The following CNTNAP3 variants were observed in gnomAD, a reference collection of about 807,000 sequenced individuals.
The protein encoded by CNTNAP3 is contactin associated protein family member 3.
CNTNAP3 carries 36 observed loss-of-function variants against 92.1 expected under a neutral mutation model. That is an observed-to-expected ratio of 0.39 (90% CI 0.30 to 0.52). The LOEUF is 0.52. CNTNAP3 is among the 20% of genes least tolerant of loss of function. The pLI is 0.76. For missense variants in CNTNAP3, 534 were observed against 1,069.6 expected, an observed-to-expected ratio of 0.50 and a Z score of 6.98; for synonymous variants, 232 against 422.3, an observed-to-expected ratio of 0.55 and a Z score of 5.53.
Position 39,118,213 on chromosome 9 carries a change from G to A in CNTNAP3, c.2127C>T (p.His709=), listed in dbSNP as rs1006132200. The part of the protein sequence containing the change: ...SWWVGRTNET[H]TSWGGSLPDA... ...CAGGCAGAGAACCTCCCCAGGAAGT[G>A]TGTGTTTCATTGGTTCTTCCAACCC... The change falls in exon 14 of 24, where the codon CAC becomes CAT. Residue 709 remains histidine (H), a synonymous_variant. Transcript: ENST00000297668. 6.2e-7 allele frequency: 1 copy of A among 1,609,388 alleles called. No homozygotes were observed. The highest frequency in any genetic ancestry group is 1.3e-5 in the African/African-American group (1 of 74,542).
intron 21 of CNTNAP3, among the ~76,000 whole-genome samples, chr9:39,083,575 T>C (rs1825996676): frequency 6.6e-6 from 1 of 151,322 alleles, no homozygotes; most frequent in Non-Finnish European, 1.5e-5. Context: ...AGGAGAATCG[T>C]GTGAACCTGG....
chr9:39,071,588 G>C lies in CNTNAP3; in HGVS notation c.*2302C>G, dbSNP rs1437701770. 1.3e-5 allele frequency among the ~76,000 whole-genome samples: 2 copies of C among 151,982 alleles called. No individual in the cohort carries two copies. Among genetic ancestry groups the C allele is most frequent in the African/African-American group, 4.8e-5 (2 of 41,402 alleles). ...ATGCTTTTACTTTTATGTTACAAAA[G>C]GGTGTTACTTGCAACTAGCATCTAT... On this transcript the variant is annotated 3_prime_UTR_variant, in exon 24 of 24. Coordinates refer to ENST00000297668, the MANE Select transcript of CNTNAP3 (RefSeq NM_033655.5).
At chr9:39,097,742 G>A (rs1197256691) in intron 18 of CNTNAP3, among the ~76,000 whole-genome samples, 1 of 144,520 alleles carries the variant, frequency 6.9e-6, no homozygotes, top group East Asian at 2.2e-4. Context: ...GTCATACTGA[G>A]CTAGGGATGG....
In CNTNAP3 at chr9:39,067,386, A is replaced by AT. The variant is rs1324630952; in HGVS notation, c.*6503dup. On this transcript the variant is annotated 3_prime_UTR_variant, in exon 24 of 24. Coordinates refer to ENST00000297668, the MANE Select transcript of CNTNAP3 (RefSeq NM_033655.5). ...TTTTTATTGTATACCAGACATTGTGATTTTACCTCGTTGGGTGTTGGATTT... is the reference window on the plus strand; with the variant it reads ...TTTTTATTGTATACCAGACATTGTGATTTTTACCTCGTTGGGTGTTGGATTT... Among the ~76,000 whole-genome samples the AT allele has an allele frequency of 1.3e-5, 2 of 152,294 alleles. No individual in the cohort carries two copies. The highest frequency in any genetic ancestry group is 4.8e-5 in the African/African-American group (2 of 41,478).
At chr9:39,113,947 T>A (rs1333492395) in intron 14 of CNTNAP3, among the ~76,000 whole-genome samples, 2 of 151,698 alleles carry the variant, frequency 1.3e-5, no homozygotes, top group Non-Finnish European at 2.9e-5. Context: ...CTTTGCATAT[T>A]TGTTAATTCT....
chr9:39,087,407 C>T (rs1278152945), intron 19 of CNTNAP3, among the ~76,000 whole-genome samples: 1 of 152,270 alleles, frequency 6.6e-6, no homozygotes. Flanking sequence ...ATATACATAC[C>T]CCTCTCCTAC....
At chr9:39,075,504 T>G (rs1271416715) in intron 23 of CNTNAP3, among the ~76,000 whole-genome samples, 3 of 152,218 alleles carry the variant, frequency 2.0e-5, no homozygotes, top group African/African-American at 7.2e-5. Context: ...TTGACAAATA[T>G]TTTGAAGTAA....
chr9:39,109,073 T>C, intron 15 of CNTNAP3, 87 bp downstream of exon 15: 12 of 1,498,826 alleles, frequency 8.0e-6, no homozygotes, highest in Non-Finnish European at 1.1e-5. Flanking sequence ...ACTATTCTCT[T>C]TCTGGCAAGA....
Position 39,069,128 on chromosome 9 carries a change from C to T in CNTNAP3, c.*4762G>A, listed in dbSNP as rs1825581052. 6.6e-6 allele frequency among the ~76,000 whole-genome samples: 1 copy of T among 152,214 alleles called. No individual in the cohort carries two copies. The highest frequency in any genetic ancestry group is 1.5e-5 in the Non-Finnish European group (1 of 68,038). Reference sequence around the variant, plus strand: ...TTTACTCACTGCAGATTAAGATGAACATTGTAGATTGGAGCATATTATGGG... The same window carrying T: ...TTTACTCACTGCAGATTAAGATGAATATTGTAGATTGGAGCATATTATGGG... On this transcript the variant is annotated 3_prime_UTR_variant, in exon 24 of 24. Transcript: ENST00000297668.
intron 18 of CNTNAP3, among the ~76,000 whole-genome samples, chr9:39,098,532 T>G (rs1428090288): frequency 6.6e-6 from 1 of 152,184 alleles, no homozygotes; most frequent in African/African-American, 2.4e-5. Context: ...TTTTGGGTTA[T>G]AAAATAACAT....
intron 18 of CNTNAP3, among the ~76,000 whole-genome samples, chr9:39,096,654 T>G (rs1185333681): frequency 6.6e-6 from 1 of 151,178 alleles, no homozygotes; most frequent in African/African-American, 2.4e-5. Context: ...ACGGTTTTGC[T>G]GGGTGTAAGT....
chr9:39,142,282 A>G (rs1470846586), intron 11 of CNTNAP3, among the ~76,000 whole-genome samples: 2 of 152,212 alleles, frequency 1.3e-5, no homozygotes, highest in Non-Finnish European at 2.9e-5. Context: ...GGAGGATGAA[A>G]GATACACAGA....
intron 23 of CNTNAP3, among the ~76,000 whole-genome samples, chr9:39,074,665 A>G (rs1044159392): frequency 6.6e-6 from 1 of 152,190 alleles, no homozygotes; most frequent in Non-Finnish European, 1.5e-5. Context: ...ATCATTTTAC[A>G]AGTATAGAGT....
intron 14 of CNTNAP3, among the ~76,000 whole-genome samples, chr9:39,113,121 CTAAT>C (rs1040608790): frequency 6.6e-6 from 1 of 151,988 alleles, no homozygotes; most frequent in African/African-American, 2.4e-5. Context: ...ACCCTGATTT[CTAAT>C]TAATAGACAC....
intron 19 of CNTNAP3, among the ~76,000 whole-genome samples, chr9:39,088,136 G>C (rs908139178): frequency 6.6e-6 from 1 of 151,926 alleles, no homozygotes; most frequent in African/African-American, 2.4e-5. Flanking sequence ...AAACCAATTT[G>C]AGTCATCATG....
At chr9:39,125,250 C>T (rs1463155054) in intron 13 of CNTNAP3, among the ~76,000 whole-genome samples, 2 of 151,948 alleles carry the variant, frequency 1.3e-5, no homozygotes, top group Non-Finnish European at 2.9e-5. Context: ...CAGCAAACTA[C>T]CGCAAGGACA....
At chr9:39,082,820 C>T (rs1384821186) in intron 21 of CNTNAP3, among the ~76,000 whole-genome samples, 1 of 152,254 alleles carries the variant, frequency 6.6e-6, no homozygotes, top group Non-Finnish European at 1.5e-5. Context: ...CCCCGTAAGG[C>T]TTCAGGGCCA....
In CNTNAP3 at chr9:39,078,776, T is replaced by C; in HGVS notation, c.3587A>G (p.His1196Arg). The C allele has an allele frequency of 6.6e-7, 1 of 1,520,744 alleles. No individual in the cohort carries two copies. The highest frequency in any genetic ancestry group is 8.8e-7 in the Non-Finnish European group (1 of 1,141,198). The allele number at this position is 1,520,744 out of a possible 1,614,324, so 94.2% of individuals were successfully genotyped here. The change falls in exon 22 of 24, where the codon CAC (histidine) becomes CGC (arginine). Residue 1196 changes from histidine (H) to arginine (R), a missense_variant. His to Arg is a conservative substitution (Grantham distance 29). Transcript: ENST00000297668. ...SGPSRVTVRG[H>R]VAPMARCAAG... Reference sequence around the variant, plus strand: ...TGCGCAGCGGGCCATAGGGGCCACGTGGCCGCGGACGGTGACCCGGGAGGG... The same window carrying C: ...TGCGCAGCGGGCCATAGGGGCCACGCGGCCGCGGACGGTGACCCGGGAGGG...
At chr9:39,124,340 CA>C (rs1349728419) in intron 13 of CNTNAP3, among the ~76,000 whole-genome samples, 1 of 151,840 alleles carries the variant, frequency 6.6e-6, no homozygotes, top group East Asian at 1.9e-4. Flanking sequence ...TCAATTAAAA[CA>C]AAAAATGTGA....
Sources: allele counts gnomAD v4.1 joint callset (sites outside exome capture counted in the v4.1 genomes callset), GRCh38; gene constraint gnomAD v4.1.1; transcripts MANE v1.5; gene names NCBI Gene and HGNC (gene_info 2026-07-23, HGNC 2026-07-21).